The following HDAC8 variants were observed in gnomAD, a reference collection of about 807,000 sequenced individuals.
HDAC8 encodes the protein histone deacetylase 8.
In HDAC8, 1 loss-of-function variant was observed where a neutral mutation model predicts 32.2. The observed-to-expected ratio is 0.03, with a 90% CI of 0.01 to 0.15. The LOEUF (loss-of-function observed/expected upper bound fraction) is 0.15. Ranked by LOEUF, HDAC8 falls within the 10% of genes least tolerant of loss-of-function variation. The probability of loss-of-function intolerance (pLI) is 1.00; values close to 1 mark genes in which losing one functional copy is unlikely to be tolerated. For synonymous variants in HDAC8, 108 were observed against 113.9 expected, an observed-to-expected ratio of 0.95 and a Z score of 0.33; for missense variants, 117 against 300.0, an observed-to-expected ratio of 0.39 and a Z score of 4.51.
intron 9 of HDAC8, among the ~76,000 whole-genome samples, chrX:72,448,293 C>T (rs2047472201): frequency 1.8e-5 from 2 of 111,331 alleles, no homozygotes; most frequent in Non-Finnish European, 3.8e-5. Context: ...TATCTACAAC[C>T]CTCTGATTTT....
intron 7 of HDAC8, chrX:72,473,849 A>T: frequency 2.7e-6 from 2 of 754,658 alleles, no homozygotes; most frequent in Non-Finnish European, 3.1e-6. Flanking sequence ...CAAAATGTTT[A>T]CAGAATATGG....
At chrX:72,476,414 T>C (rs1359307957) in intron 7 of HDAC8, among the ~76,000 whole-genome samples, 3 of 111,024 alleles carry the variant, frequency 2.7e-5, no homozygotes, top group Non-Finnish European at 5.7e-5. Flanking sequence ...CCTAAGGCTA[T>C]CTGTGCTATT....
intron 9 of HDAC8, among the ~76,000 whole-genome samples, chrX:72,353,969 A>G (rs1264434710): frequency 1.8e-5 from 2 of 111,950 alleles, no homozygotes; most frequent in Non-Finnish European, 3.8e-5. Flanking sequence ...TTGGAACAAC[A>G]CGTCCTCACT....
At chrX:72,435,925 G>T (rs1309324046) in intron 9 of HDAC8, among the ~76,000 whole-genome samples, 1 of 111,318 alleles carries the variant, frequency 9.0e-6, no homozygotes, top group Admixed American at 9.5e-5. Flanking sequence ...CCAAGATTGT[G>T]CCACTGCACT....
intron 9 of HDAC8, among the ~76,000 whole-genome samples, chrX:72,436,401 G>A (rs111407309): frequency 0.011 from 1,195 of 111,609 alleles, 12 homozygotes; most frequent in African/African-American, 0.029. Context: ...GAGGTCAGAG[G>A]GAAGTGGCAT....
chrX:72,463,481 G>A (rs889312678), intron 8 of HDAC8, among the ~76,000 whole-genome samples: 9 of 112,135 alleles, frequency 8.0e-5, no homozygotes, highest in South Asian at 7.5e-4. Context: ...CTAACCTGAT[G>A]TATATGGTAG....
At chrX:72,555,227 G>A (rs1401458411) in intron 4 of HDAC8, among the ~76,000 whole-genome samples, 8 of 112,124 alleles carry the variant, frequency 7.1e-5, no homozygotes, top group Admixed American at 2.8e-4. Context: ...GGAGCACCCC[G>A]TGGGACAAAA....
chrX:72,479,102 T>A (rs1556001914), intron 7 of HDAC8, among the ~76,000 whole-genome samples: 1 of 112,129 alleles, frequency 8.9e-6, no homozygotes, highest in Admixed American at 9.5e-5. Context: ...AATCTCTGTA[T>A]AGTCCTTGTC....
At chrX:72,429,015 C>CT (rs1179263145) in intron 9 of HDAC8, among the ~76,000 whole-genome samples, 6 of 94,254 alleles carry the variant, frequency 6.4e-5, no homozygotes, top group African/African-American at 1.9e-4. Context: ...TCCTTTCTTT[C>CT]TTTCTTTCTT....
rs782446925 is a variant in HDAC8 at position 72,510,182 on chromosome X, C to T, written c.438-14914G>A. Among the ~76,000 whole-genome samples, 37 of 112,092 alleles carry T rather than the reference C, an allele frequency of 3.3e-4. 1 individual carries two copies. Among genetic ancestry groups the T allele is most frequent in the Admixed American group, 9.5e-5 (1 of 10,533 alleles). Reference sequence around the variant, plus strand: ...CCTTTCTTCTATAAACTCAATTTAGCTATTGACCTAGCACGTTTGGATTTA... The same window carrying T: ...CCTTTCTTCTATAAACTCAATTTAGTTATTGACCTAGCACGTTTGGATTTA... On this transcript the variant is annotated intron_variant, in intron 4 of 10. Coordinates refer to ENST00000373573, the MANE Select transcript of HDAC8 (RefSeq NM_018486.3).
At chrX:72,509,441 T>C (rs1258947484) in intron 4 of HDAC8, among the ~76,000 whole-genome samples, 1 of 111,931 alleles carries the variant, frequency 8.9e-6, no homozygotes, top group African/African-American at 3.2e-5. Flanking sequence ...TACAATGCAG[T>C]ATTGTTAACT....
intron 9 of HDAC8, among the ~76,000 whole-genome samples, chrX:72,416,240 T>A (rs1555971673): frequency 9.2e-6 from 1 of 109,242 alleles, no homozygotes; most frequent in African/African-American, 3.3e-5. Flanking sequence ...TTATTTCGTA[T>A]TTGGTGAGTT....
chrX:72,571,870 C>T (rs782747454), intron 2 of HDAC8, 187 bp downstream of exon 2: 69 of 406,083 alleles, frequency 1.7e-4, no homozygotes, highest in African/African-American at 1.5e-3. Flanking sequence ...TCTCGGCCCC[C>T]CAAGTTTTCT....
In HDAC8 at chrX:72,433,938, T is replaced by A. The variant is rs782539862; in HGVS notation, c.1005+28066A>T. ...ACTGAAGTGTTAGGCACATCGCATG[T>A]GCTCAATAAATGTTAATTCTTTTCT... On this transcript the variant is annotated intron_variant, in intron 9 of 10. Coordinates refer to ENST00000373573, the MANE Select transcript of HDAC8 (RefSeq NM_018486.3). Among the ~76,000 whole-genome samples the A allele has an allele frequency of 6.2e-5, 7 of 112,580 alleles. No homozygotes were observed. In the East Asian group the frequency reaches 2.0e-3, roughly 31 times the overall value.
intron 4 of HDAC8, among the ~76,000 whole-genome samples, chrX:72,543,752 G>C (rs1374796863): frequency 8.9e-6 from 1 of 112,710 alleles, no homozygotes; most frequent in Non-Finnish European, 1.9e-5. Flanking sequence ...CACCCCTAAA[G>C]GGTCTGATTC....
intron 4 of HDAC8, among the ~76,000 whole-genome samples, chrX:72,496,697 T>A (rs2049032091): frequency 9.2e-6 from 1 of 108,994 alleles, no homozygotes. Flanking sequence ...GAGAGAGATG[T>A]GGAGGAAGAG....
chrX:72,348,353 C>G (rs1222842390), intron 10 of HDAC8, among the ~76,000 whole-genome samples: 7 of 112,001 alleles, frequency 6.2e-5, no homozygotes, highest in Non-Finnish European at 1.1e-4. Flanking sequence ...TAAGCAAGAA[C>G]AAATAACAGT....
intron 3 of HDAC8, among the ~76,000 whole-genome samples, chrX:72,568,453 C>T (rs868928148): frequency 3.4e-4 from 38 of 112,419 alleles, no homozygotes; most frequent in African/African-American, 1.1e-3. Flanking sequence ...GAACATAAAT[C>T]TGTACTCCAG....
rs2048217423 is a variant in HDAC8 at position 72,472,580 on chromosome X, T to C, written c.738-7849A>G. ...GCAGCTTTGATTACTGTAGTTTTGT[T>C]GTAAGTTTTAAAGTTGAGAAGTTTG... On this transcript the variant is annotated intron_variant, in intron 7 of 10. Coordinates refer to ENST00000373573, the MANE Select transcript of HDAC8 (RefSeq NM_018486.3). Among the ~76,000 whole-genome samples, 2 of 112,027 alleles carry C rather than the reference T, an allele frequency of 1.8e-5. 1 individual carries two copies. The highest frequency in any genetic ancestry group is 1.9e-4 in the Admixed American group (2 of 10,589).
Sources: gnomAD v4.1 joint callset for allele counts (sites outside exome capture counted in the v4.1 genomes callset) on GRCh38, gnomAD v4.1.1 for gene constraint, MANE v1.5 for transcripts, NCBI Gene and HGNC (gene_info 2026-07-23, HGNC 2026-07-21) for gene names.